PATL2: variants seen among roughly 807,000 people sequenced by gnomAD.
The protein encoded by PATL2 is PAT1 homolog 2, also known as protein PAT1 homolog 2.
In PATL2, 73 loss-of-function variants were observed where a neutral mutation model predicts 77.0. That is an observed-to-expected ratio of 0.95 (90% CI 0.78 to 1.15). PATL2 has a LOEUF of 1.15. Among genes scored for constraint, PATL2 ranks in the 50% most tolerant of loss-of-function variants. The pLI is 0.00. For missense variants in PATL2, 618 were observed against 655.4 expected (o/e 0.94, Z 0.62); for synonymous variants, 265 against 257.1 (o/e 1.03, Z -0.29).
intron 3 of PATL2, chr15:44,677,000 T>C: frequency 1.4e-6 from 1 of 696,558 alleles, no homozygotes; most frequent in Non-Finnish European, 1.8e-6. Flanking sequence ...CTCCATCCAT[T>C]GGGGCCTGAT....
At chr15:44,693,691 T>C (rs146110227) in intron 3 of PATL2, among the ~76,000 whole-genome samples, 1,776 of 151,596 alleles carry the variant, frequency 0.012, 21 homozygotes, top group South Asian at 0.028. Context: ...AATGTTTTCT[T>C]TTTCTGTTTT....
At chr15:44,693,693 T>C (rs1201449582) in intron 3 of PATL2, among the ~76,000 whole-genome samples, 4 of 151,620 alleles carry the variant, frequency 2.6e-5, no homozygotes, top group Non-Finnish European at 5.9e-5. Context: ...TGTTTTCTTT[T>C]TCTGTTTTTT....
intron 3 of PATL2, 190 bp from the exon 4 acceptor site, chr15:44,676,755 C>T: frequency 7.8e-7 from 1 of 1,279,074 alleles, no homozygotes; most frequent in Non-Finnish European, 1.0e-6. Context: ...GGGAGCTGTC[C>T]CACAAAGGGA....
In PATL2 at chr15:44,707,979, C is replaced by T. The variant is rs543369935; in HGVS notation, c.-76+2117G>A. Among the ~76,000 whole-genome samples, 433 of 152,348 alleles carry T rather than the reference C, an allele frequency of 2.8e-3. 1 individual carries two copies. Among genetic ancestry groups the T allele is most frequent in the Non-Finnish European group, 4.6e-3 (310 of 68,042 alleles). On this transcript the variant is annotated intron_variant, in intron 3 of 17. Transcript: ENST00000682850. ...TCCCTCCATGGGACCTGGGTGAGTT[C>T]TTCCCAGTGTTGCTTTGTGCTATGA...
At chr15:44,700,463 C>T (rs927546226) in intron 3 of PATL2, among the ~76,000 whole-genome samples, 14 of 151,936 alleles carry the variant, frequency 9.2e-5, no homozygotes, top group Middle Eastern at 3.4e-3. Flanking sequence ...CACCACACCT[C>T]GCTAATTTTT....
At chr15:44,672,576 T>A in intron 7 of PATL2, 120 bp from the exon 8 acceptor site, 1 of 973,204 alleles carries the variant, frequency 1.0e-6, no homozygotes, top group Admixed American at 2.5e-5. Flanking sequence ...GTTTAGGTAC[T>A]TTCCCAAAGT....
At chr15:44,675,463 C>T (rs1295061124) in intron 5 of PATL2, 23 bp downstream of exon 5, 10 of 1,546,290 alleles carry the variant, frequency 6.5e-6, no homozygotes, top group African/African-American at 2.7e-5. Context: ...ACAACCCTCT[C>T]CCATTCCCTT....
rs2141193544 is a variant in PATL2, at chr15:44,672,460, G to C, written c.447-4C>G. ...AGGGTGGAGCTGGGTCAGATGACTG[G>C]GAAGACAAGAAGTAACGAGCTGGGT... On this transcript the variant is annotated splice_region_variant and splice_polypyrimidine_tract_variant and intron_variant, in intron 7 of 17. Coordinates refer to ENST00000682850, the MANE Select transcript of PATL2 (RefSeq NM_001387263.1). The C allele has an allele frequency of 1.3e-6, 2 of 1,551,366 alleles. No homozygotes were observed. The highest frequency in any genetic ancestry group is 2.7e-5 in the African/African-American group (2 of 73,146).
Position 44,668,407 on chromosome 15 carries a change from GA to G in PATL2, c.1299del (p.Gln434ArgfsTer3). ...CCAGGTGGCAACAGCGTTAATCCCT[GA>G]AGTCCTTGGAGGAGTTCGTGGAGGG... ...HLTLHELLQG[L>X]QGLTLLPPGS... On this transcript the variant is annotated frameshift_variant, in exon 15 of 18. Transcript: ENST00000682850. LOFTEE classifies it high-confidence loss of function. 6.4e-7 allele frequency: 1 copy of G among 1,551,388 alleles called. No homozygotes were observed. The highest frequency in any genetic ancestry group is 8.7e-7 in the Non-Finnish European group (1 of 1,146,982).
chr15:44,668,311 T>G, intron 15 of PATL2, 31 bp downstream of exon 15: 1 of 1,543,274 alleles, frequency 6.5e-7, no homozygotes, highest in Non-Finnish European at 8.7e-7. Context: ...CTGAAAGCCA[T>G]CTATGGAAAA....
At chr15:44,682,336 G>C (rs190503447) in intron 3 of PATL2, among the ~76,000 whole-genome samples, 1 of 152,164 alleles carries the variant, frequency 6.6e-6, no homozygotes, top group East Asian at 1.9e-4. Flanking sequence ...GCACCCTTAT[G>C]TGTGCTCACT....
At chr15:44,683,605 TA>T (rs2086185501) in intron 3 of PATL2, among the ~76,000 whole-genome samples, 1 of 152,138 alleles carries the variant, frequency 6.6e-6, no homozygotes, top group South Asian at 2.1e-4. Context: ...GGCTTATAGA[TA>T]AAACTCCCAT....
intron 3 of PATL2, among the ~76,000 whole-genome samples, chr15:44,687,241 G>C (rs529806660): frequency 2.0e-4 from 30 of 152,290 alleles, no homozygotes; most frequent in African/African-American, 7.0e-4. Flanking sequence ...GGGATGCAAG[G>C]CTGGTTCAAC....
At chr15:44,666,286 T>G in intron 17 of PATL2, 106 bp downstream of exon 17, 1 of 1,410,166 alleles carries the variant, frequency 7.1e-7, no homozygotes, top group Non-Finnish European at 9.7e-7. Flanking sequence ...TAAAAACACA[T>G]GATCCTTCAT....
chr15:44,709,696 C>G (rs1332215405), intron 3 of PATL2, among the ~76,000 whole-genome samples: 1 of 152,114 alleles, frequency 6.6e-6, no homozygotes, highest in South Asian at 2.1e-4. Context: ...GTATTCCCCC[C>G]CAAAGAAAAC....
chr15:44,701,128 T>G (rs932017002), intron 3 of PATL2, among the ~76,000 whole-genome samples: 1 of 152,112 alleles, frequency 6.6e-6, no homozygotes, highest in Non-Finnish European at 1.5e-5. Flanking sequence ...CACTTGGTCA[T>G]GATGAATGAT....
At chr15:44,674,538 T>C (rs1042614604) in intron 5 of PATL2, 1 of 186,026 alleles carries the variant, frequency 5.4e-6, no homozygotes, top group Non-Finnish European at 1.1e-5. Flanking sequence ...TTCTTATATA[T>C]ACATGCCTAT....
chr15:44,669,886 G>C lies in PATL2; in HGVS notation c.779-12C>G. On this transcript the variant is annotated splice_polypyrimidine_tract_variant and intron_variant, in intron 10 of 17. Coordinates refer to ENST00000682850, the MANE Select transcript of PATL2 (RefSeq NM_001387263.1). ...CTCGATTCGGACCACTGCATGAGAAGAGAGGCACATTTCCTTCCCCCTCCC... is the reference window on the plus strand; with the variant it reads ...CTCGATTCGGACCACTGCATGAGAACAGAGGCACATTTCCTTCCCCCTCCC... The C allele has an allele frequency of 6.4e-7, 1 of 1,551,490 alleles. No individual in the cohort carries two copies. The highest frequency in any genetic ancestry group is 8.7e-7 in the Non-Finnish European group (1 of 1,146,936).
intron 14 of PATL2, 129 bp downstream of exon 14, chr15:44,668,851 C>T: frequency 8.5e-7 from 1 of 1,173,230 alleles, no homozygotes; most frequent in Non-Finnish European, 1.2e-6. Flanking sequence ...CTGAGGGTGG[C>T]AAGGCCAGCA....
Sources: gnomAD v4.1 joint callset for allele counts (sites outside exome capture counted in the v4.1 genomes callset) on GRCh38, gnomAD v4.1.1 for gene constraint, MANE v1.5 for transcripts, NCBI Gene and HGNC (gene_info 2026-07-23, HGNC 2026-07-21) for gene names.